The following DDX31 variants were observed in gnomAD, a reference collection of about 807,000 sequenced individuals.
DDX31 encodes DEAD-box helicase 31, also known as ATP-dependent DNA helicase DDX31.
Under a neutral mutation model 91.3 loss-of-function variants are expected in DDX31, and 70 were observed. The observed-to-expected ratio is 0.77, with a 90% confidence interval of 0.63 to 0.94. The LOEUF (loss-of-function observed/expected upper bound fraction) is 0.94. DDX31 is among the 40% of genes least tolerant of loss of function. The pLI is 0.00. For synonymous variants in DDX31, 362 were observed against 350.6 expected, an observed-to-expected ratio of 1.03 and a Z score of -0.36; for missense variants, 902 against 925.0, an observed-to-expected ratio of 0.98 and a Z score of 0.32.
At chr9:132,634,651 G>A (rs1033261304) in intron 14 of DDX31, among the ~76,000 whole-genome samples, 4 of 144,326 alleles carry the variant, frequency 2.8e-5, no homozygotes, top group African/African-American at 1.0e-4. Flanking sequence ...GGAGTGCAGT[G>A]GCACAATCAC....
chr9:132,644,646 T>C (rs1262576444), intron 13 of DDX31, among the ~76,000 whole-genome samples: 3 of 152,162 alleles, frequency 2.0e-5, no homozygotes, highest in Non-Finnish European at 4.4e-5. Context: ...CCTAGACCAT[T>C]CTGAGTCCAT....
chr9:132,594,680 C>T lies in DDX31; in HGVS notation c.*186G>A, dbSNP rs1245086438. ...TGGCTAGTCTCTACAGTGCCCCACA[C>T]CACTGATTTCTATCAGGCTCCAGGG... On this transcript the variant is annotated 3_prime_UTR_variant, in exon 20 of 20. Transcript: ENST00000372159. The T allele has an allele frequency of 1.1e-5, 11 of 967,030 alleles. No homozygotes were observed. The East Asian group carries it at 2.5e-4, about 22-fold the overall frequency. 59.9% of individuals were successfully genotyped at this position (967,030 alleles called of 1,614,324 possible).
intron 1 of DDX31, among the ~76,000 whole-genome samples, chr9:132,664,966 C>A (rs567063651): frequency 8.5e-5 from 13 of 152,308 alleles, no homozygotes; most frequent in African/African-American, 2.9e-4. Context: ...CTCAGAAGAG[C>A]CTTTCCTGAC....
chr9:132,664,065 C>G (rs867765417), intron 1 of DDX31, among the ~76,000 whole-genome samples: 1 of 152,200 alleles, frequency 6.6e-6, no homozygotes. Flanking sequence ...CCCTGCACAC[C>G]TCCTGCATCC....
At chr9:132,667,747 T>C (rs957603355) in intron 1 of DDX31, among the ~76,000 whole-genome samples, 6 of 152,178 alleles carry the variant, frequency 3.9e-5, no homozygotes, top group African/African-American at 1.4e-4. Flanking sequence ...TCTTATGTGT[T>C]AGTTACCAGG....
intron 8 of DDX31, among the ~76,000 whole-genome samples, chr9:132,650,855 T>C (rs1590076981): frequency 6.6e-6 from 1 of 152,332 alleles, no homozygotes; most frequent in Non-Finnish European, 1.5e-5. Context: ...ATGAACAAAT[T>C]GCAGGACTTT....
In DDX31 at chr9:132,604,414, G is replaced by T. The variant is rs999747261; in HGVS notation, c.1994+7673C>A. ...GCCTCCCCTGACAGAGGCCATGAGAGCATGTTCTTGGCTATCATCTGTGCA... is the reference window on the plus strand; with the variant it reads ...GCCTCCCCTGACAGAGGCCATGAGATCATGTTCTTGGCTATCATCTGTGCA... On this transcript the variant is annotated intron_variant, in intron 19 of 19. Coordinates refer to ENST00000372159, the MANE Select transcript of DDX31 (RefSeq NM_022779.9). Among the ~76,000 whole-genome samples the T allele has an allele frequency of 1.6e-4, 25 of 152,268 alleles. 3 individuals carry two copies. The highest frequency in any genetic ancestry group is 1.3e-3 in the Admixed American group (20 of 15,298).
At chr9:132,632,206 C>A in intron 14 of DDX31, 115 bp from the exon 15 acceptor site, 1 of 610,480 alleles carries the variant, frequency 1.6e-6, no homozygotes, top group Non-Finnish European at 2.7e-6. Context: ...ACAGTACATG[C>A]ACATTCGGGC....
intron 16 of DDX31, among the ~76,000 whole-genome samples, chr9:132,628,935 C>T (rs1036654709): frequency 1.3e-5 from 2 of 152,242 alleles, no homozygotes; most frequent in Admixed American, 6.5e-5. Context: ...AGCATTATGA[C>T]GGGCTCCCAG....
At chr9:132,632,241 T>TATACACACAC (rs1554765289) in intron 14 of DDX31, 150 bp from the exon 15 acceptor site, 6 of 94,104 alleles carry the variant, frequency 6.4e-5, no homozygotes, top group Non-Finnish European at 1.2e-4. Flanking sequence ...CCAGTACGTG[T>TATACACACAC]ACACACACAC....
intron 15 of DDX31, among the ~76,000 whole-genome samples, chr9:132,630,817 T>A (rs564787496): frequency 6.6e-5 from 10 of 152,254 alleles, no homozygotes; most frequent in African/African-American, 1.2e-4. Flanking sequence ...GGCCACAGGG[T>A]GAGGTGTCCA....
intron 14 of DDX31, among the ~76,000 whole-genome samples, chr9:132,634,981 T>C (rs1347865748): frequency 1.3e-5 from 2 of 152,004 alleles, no homozygotes; most frequent in Admixed American, 1.3e-4. Context: ...CTGCCTTTGA[T>C]TGACTTACTT....
chr9:132,618,366 G>T lies in DDX31; in HGVS notation c.1789C>A (p.His597Asn). ...CAGGAGACCCTCCTCTCACTGGAGTGCACGTAATCTTCAAATACCGTCTGC... is the reference window on the plus strand; with the variant it reads ...CAGGAGACCCTCCTCTCACTGGAGTTCACGTAATCTTCAAATACCGTCTGC... The part of the protein sequence containing the change: ...VLQTVFEDYV[H>N]SSERRVSWAK... The change falls in exon 18 of 20, where the codon CAC (histidine) becomes AAC (asparagine). Residue 597 changes from histidine to asparagine, a missense_variant. Transcript: ENST00000372159. 1 of 1,612,024 alleles carries T rather than the reference G, an allele frequency of 6.2e-7. No homozygotes were observed. The highest frequency in any genetic ancestry group is 8.5e-7 in the Non-Finnish European group (1 of 1,179,250).
intron 9 of DDX31, 120 bp downstream of exon 9, chr9:132,650,114 G>A (rs1590075490): frequency 1.1e-5 from 10 of 945,018 alleles, no homozygotes; most frequent in East Asian, 2.5e-5. Flanking sequence ...CCTGTGCACC[G>A]GGACTAGGAA....
In DDX31 at chr9:132,646,851, AG is replaced by A; in HGVS notation, c.1174del (p.Leu392Ter). ...VVPSKLRLVC[L>X]AAFILQKCKF... ...GCATTTCTGAAGGATGAAGGCCGCT[AG>A]GCAGACAAGCCTCAGTTTGCTGGGA... On this transcript the variant is annotated frameshift_variant, in exon 12 of 20. Transcript: ENST00000372159. LOFTEE classifies it high-confidence loss of function. 6.2e-7 allele frequency: 1 copy of A among 1,614,120 alleles called. No homozygotes were observed. The highest frequency in any genetic ancestry group is 8.5e-7 in the Non-Finnish European group (1 of 1,180,002).
In DDX31 at chr9:132,594,876, TG is replaced by T. The variant is rs1410402092; in HGVS notation, c.2230del (p.Gln744ArgfsTer34). 6.2e-7 allele frequency: 1 copy of T among 1,613,276 alleles called. No individual in the cohort carries two copies. Among genetic ancestry groups the T allele is most frequent in the Non-Finnish European group, 8.5e-7 (1 of 1,179,904 alleles). ...KGVQRDSKTS[Q>X]KV The stretch of plus-strand genomic sequence containing the variant: ...AGACCCAGAGAGATTTTAAACTTTC[TG>T]GGAAGTCTTGCTGTCCCGCTGTACA... On this transcript the variant is annotated frameshift_variant, in exon 20 of 20. Coordinates refer to ENST00000372159, the MANE Select transcript of DDX31 (RefSeq NM_022779.9). LOFTEE classifies it high-confidence loss of function.
chr9:132,667,125 A>C (rs1418492735), intron 1 of DDX31, among the ~76,000 whole-genome samples: 1 of 152,024 alleles, frequency 6.6e-6, no homozygotes, highest in African/African-American at 2.4e-5. Flanking sequence ...ATGAGATTAC[A>C]GGTGTGAGCC....
chr9:132,661,423 C>T (rs751683340), intron 3 of DDX31, among the ~76,000 whole-genome samples, 172 bp from the exon 4 acceptor site: 14 of 152,180 alleles, frequency 9.2e-5, no homozygotes, highest in African/African-American at 1.4e-4. Context: ...CGCCCTAACT[C>T]CCTGGGGACA....
chr9:132,661,202 T>A lies in DDX31; in HGVS notation c.452+6A>T. 2 of 1,610,516 alleles carry A rather than the reference T, an allele frequency of 1.2e-6. No individual in the cohort carries two copies. The highest frequency in any genetic ancestry group is 2.2e-5 in the South Asian group (2 of 90,820). ...TAAGAAATCAAGAGGAGCCTGAAGT[T>A]CTTACCTGGTCATACTAGACATTTT... On this transcript the variant is annotated splice_donor_region_variant and intron_variant, in intron 4 of 19. Transcript: ENST00000372159.
Sources: gnomAD v4.1 joint callset for allele counts (sites outside exome capture counted in the v4.1 genomes callset) on GRCh38, gnomAD v4.1.1 for gene constraint, MANE v1.5 for transcripts, NCBI Gene and HGNC (gene_info 2026-07-23, HGNC 2026-07-21) for gene names.